GFM2: variants seen among roughly 807,000 people sequenced by gnomAD.
GFM2 encodes ribosome-releasing factor 2, mitochondrial.
In GFM2, 72 loss-of-function variants were observed where a neutral mutation model predicts 95.4. That is an observed-to-expected ratio of 0.76 (90% CI 0.62 to 0.92). The LOEUF is 0.92. GFM2 is among the 40% of genes least tolerant of loss of function. The pLI is 0.00. For synonymous variants in GFM2, 276 were observed against 317.5 expected (o/e 0.87, Z 1.39); for missense variants, 825 against 924.1 (o/e 0.89, Z 1.39).
chr5:74,745,821 C>T lies in GFM2; in HGVS notation c.706G>A (p.Val236Met). Residue 236 changes from valine to methionine, a missense_variant, in exon 10 of 21, where the codon GTG becomes ATG. By Grantham distance (21) the Val-to-Met change is conservative. Transcript: ENST00000296805. ...IGEAKTFKGV[V>M]DVVMKEKLLW... Reference sequence around the variant, plus strand: ...AGTTTTTCTTTCATTACTACATCCACCACTCCTTTGAAAGTTTTGGCTTCA... The same window carrying T: ...AGTTTTTCTTTCATTACTACATCCATCACTCCTTTGAAAGTTTTGGCTTCA... 6.2e-7 allele frequency: 1 copy of T among 1,612,582 alleles called. No homozygotes were observed. Among genetic ancestry groups the T allele is most frequent in the Non-Finnish European group, 8.5e-7 (1 of 1,179,800 alleles).
intron 10 of GFM2, among the ~76,000 whole-genome samples, 154 bp downstream of exon 10, chr5:74,745,524 C>T (rs905203894): frequency 6.6e-6 from 1 of 152,060 alleles, no homozygotes; most frequent in Non-Finnish European, 1.5e-5. Flanking sequence ...TATGCAAATA[C>T]TACATCATTT....
At chr5:74,737,305 T>C (rs1742884849) in intron 14 of GFM2, among the ~76,000 whole-genome samples, 1 of 152,158 alleles carries the variant, frequency 6.6e-6, no homozygotes, top group East Asian at 1.9e-4. Context: ...TAGGGAGAAG[T>C]CCATTAGAGT....
Position 74,721,557 on chromosome 5 carries a change from A to G in GFM2, c.*98T>C. 7.9e-7 allele frequency: 1 copy of G among 1,271,036 alleles called. No individual in the cohort carries two copies. Among genetic ancestry groups the G allele is most frequent in the Non-Finnish European group, 1.1e-6 (1 of 887,014 alleles). 78.7% of individuals were successfully genotyped at this position (1,271,036 alleles called of 1,614,324 possible). On this transcript the variant is annotated 3_prime_UTR_variant, in exon 21 of 21. Transcript: ENST00000296805. ...TCTAGTTCTCTGAATGTACTGAAACAGTACTTTATTCGTCCAATAAATAAA... is the reference window on the plus strand; with the variant it reads ...TCTAGTTCTCTGAATGTACTGAAACGGTACTTTATTCGTCCAATAAATAAA...
Position 74,738,729 on chromosome 5 carries a change from T to G in GFM2, c.1080-87A>C. ...ACCTTAATGTCCCCAAAGATCTATT[T>G]TATCTTCTAGTAGAGCTACTTAGAG... is the stretch of plus-strand genomic sequence containing the variant. On this transcript the variant is annotated intron_variant, in intron 12 of 20. Transcript: ENST00000296805. The G allele has an allele frequency of 2.3e-6, 3 of 1,321,844 alleles. No homozygotes were observed. The East Asian group carries it at 7.1e-5, about 31-fold the overall frequency. The allele number at this position is 1,321,844 out of a possible 1,614,324, so 81.9% of individuals were successfully genotyped here. A position where few individuals can be genotyped will look rare whatever the true frequency, so the allele number is the denominator to read the frequency against.
At chr5:74,763,588 G>A in intron 2 of GFM2, 92 bp downstream of exon 2, 1 of 659,304 alleles carries the variant, frequency 1.5e-6, no homozygotes, top group Non-Finnish European at 2.7e-6. Context: ...AACTAAATTT[G>A]GAATCAACAG....
chr5:74,763,087 T>C (rs1418833029), intron 2 of GFM2, among the ~76,000 whole-genome samples: 1 of 152,240 alleles, frequency 6.6e-6, no homozygotes, highest in Non-Finnish European at 1.5e-5. Flanking sequence ...TTAATATCTT[T>C]AAGTATACTG....
Position 74,750,685 on chromosome 5 carries a change from C to T in GFM2, c.431-18G>A, listed in dbSNP as rs753397901. 2.9e-5 allele frequency: 46 copies of T among 1,561,754 alleles called. No homozygotes were observed. Among genetic ancestry groups the T allele is most frequent in the Admixed American group, 1.4e-4 (8 of 59,092 alleles). On this transcript the variant is annotated intron_variant, in intron 6 of 20. Coordinates refer to ENST00000296805, the MANE Select transcript of GFM2 (RefSeq NM_032380.5). ...CACATGACCTAAGAAAAAGATAAGA[C>T]GTATAATGCCTTCTTTTTAACAAAA...
At chr5:74,735,856 C>G (rs1742807806) in intron 15 of GFM2, among the ~76,000 whole-genome samples, 1 of 152,188 alleles carries the variant, frequency 6.6e-6, no homozygotes, top group African/African-American at 2.4e-5. Context: ...GCAGAGACTA[C>G]TAGCAGCCTT....
intron 11 of GFM2, among the ~76,000 whole-genome samples, 164 bp from the exon 12 acceptor site, chr5:74,740,301 G>T (rs1441484762): frequency 6.6e-6 from 1 of 152,132 alleles, no homozygotes; most frequent in African/African-American, 2.4e-5. Flanking sequence ...CTGGATGTTA[G>T]ATATTTATTA....
intron 10 of GFM2, among the ~76,000 whole-genome samples, chr5:74,743,354 C>A (rs544777967): frequency 1.8e-4 from 28 of 152,302 alleles, no homozygotes; most frequent in African/African-American, 5.5e-4. Flanking sequence ...GTGGCCGCAA[C>A]ATTTACATTC....
chr5:74,731,772 C>T (rs991414767), intron 16 of GFM2, among the ~76,000 whole-genome samples: 2 of 152,114 alleles, frequency 1.3e-5, no homozygotes, highest in Non-Finnish European at 2.9e-5. Flanking sequence ...TGCTGCATAA[C>T]AGCACAGCAG....
intron 9 of GFM2, 91 bp from the exon 10 acceptor site, chr5:74,745,948 C>A (rs1743363250): frequency 1.6e-6 from 2 of 1,220,240 alleles, no homozygotes; most frequent in South Asian, 1.4e-5. Context: ...CCATTTTCCC[C>A]AAAATGTCTA....
intron 5 of GFM2, among the ~76,000 whole-genome samples, chr5:74,754,247 CAA>C (rs1014045867): frequency 4.7e-5 from 7 of 148,148 alleles, no homozygotes; most frequent in African/African-American, 1.7e-4. Flanking sequence ...CAAAATACAC[CAA>C]AATAGAACCT....
intron 17 of GFM2, among the ~76,000 whole-genome samples, chr5:74,727,427 T>G (rs563480211): frequency 1.9e-4 from 29 of 152,258 alleles, no homozygotes; most frequent in Admixed American, 1.4e-3. Context: ...TACGGCAACT[T>G]TTTTGTTCTA....
At chr5:74,739,076 ACT>A (rs1412168868) in intron 12 of GFM2, among the ~76,000 whole-genome samples, 6 of 151,994 alleles carry the variant, frequency 3.9e-5, no homozygotes, top group Non-Finnish European at 7.4e-5. Context: ...CATAACCAAC[ACT>A]CTTAACAGAA....
chr5:74,759,742 A>T (rs1466789750), intron 3 of GFM2, among the ~76,000 whole-genome samples: 2 of 152,156 alleles, frequency 1.3e-5, no homozygotes, highest in East Asian at 3.9e-4. Context: ...ATAAATGCTC[A>T]TAATAATAAT....
chr5:74,726,123 G>C lies in GFM2; in HGVS notation c.1730C>G (p.Thr577Ser). ...TTTGTCTCCTAAAGTTCTATCTAAG[G>C]TATCTGTAAACAAATTGAATATGGC... The part of the protein sequence containing the change: ...TILNSVRATD[T>S]LDRTLGDKRH... Residue 577 changes from threonine to serine, a missense_variant, in exon 18 of 21, where the codon ACC becomes AGC. By Grantham distance (58) the Thr-to-Ser change is moderately conservative (BLOSUM62 1). Coordinates refer to ENST00000296805, the MANE Select transcript of GFM2 (RefSeq NM_032380.5). 1.2e-6 allele frequency: 2 copies of C among 1,600,776 alleles called. No homozygotes were observed. The highest frequency in any genetic ancestry group is 2.2e-5 in the South Asian group (2 of 89,294).
At chr5:74,728,159 G>A (rs1176400346) in intron 17 of GFM2, among the ~76,000 whole-genome samples, 1 of 152,050 alleles carries the variant, frequency 6.6e-6, no homozygotes, top group Non-Finnish European at 1.5e-5. Flanking sequence ...GAATAATGTG[G>A]GGGCTAGGCG....
intron 12 of GFM2, among the ~76,000 whole-genome samples, chr5:74,739,161 T>C (rs1742989479): frequency 6.6e-6 from 1 of 152,102 alleles, no homozygotes; most frequent in South Asian, 2.1e-4. Context: ...ATTTTGCGCA[T>C]CTAAGGAGAG....
Sources: gnomAD v4.1 joint callset for allele counts (sites outside exome capture counted in the v4.1 genomes callset) on GRCh38, gnomAD v4.1.1 for gene constraint, MANE v1.5 for transcripts, NCBI Gene and HGNC (gene_info 2026-07-23, HGNC 2026-07-21) for gene names.